IL3RA: variants seen among roughly 807,000 people sequenced by gnomAD.
IL3RA encodes interleukin 3 receptor subunit alpha, also known as interleukin-3 receptor subunit alpha.
A neutral mutation model predicts 52.3 loss-of-function variants in IL3RA; 73 were observed. That is an observed-to-expected ratio of 1.40 (90% CI 1.16 to 1.70). The LOEUF (loss-of-function observed/expected upper bound fraction) is 1.70, where lower values mean the gene tolerates loss of function less well. Ranked by LOEUF, IL3RA falls within the 40% of genes most tolerant of loss-of-function variation. The pLI, the probability that IL3RA is intolerant of heterozygous loss-of-function variation, is 0.00. For missense variants in IL3RA, 664 were observed against 504.4 expected (o/e 1.32, Z -3.03); for synonymous variants, 260 against 194.0 (o/e 1.34, Z -2.83).
At chrX:1,341,966 G>A in intron 2 of IL3RA, 137 bp downstream of exon 2, 2 of 904,162 alleles carry the variant, frequency 2.2e-6, no homozygotes, top group Admixed American at 1.9e-5. Flanking sequence ...GGTCGGGAAT[G>A]ACTCAGACAC....
Position 1,348,500 on chromosome X carries a change from G to C in IL3RA, c.253G>C (p.Val85Leu), listed in dbSNP as rs766828932. Reference protein sequence around the residue: ...LCEVTNYTVRVANPPFSTWIL... With the variant: ...LCEVTNYTVRLANPPFSTWIL... ...TGAAGTGACCAACTACACCGTCCGA[G>C]TGGCCAACCCACCATTCTCCACGTG... The change falls in exon 4 of 12, where the codon GTG becomes CTG. Residue 85 changes from valine (V) to leucine (L), a missense_variant. Coordinates refer to ENST00000331035, the MANE Select transcript of IL3RA (RefSeq NM_002183.4). 14 of 1,613,886 alleles carry C rather than the reference G, an allele frequency of 8.7e-6. No homozygotes were observed. Among genetic ancestry groups the C allele is most frequent in the East Asian group, 4.5e-5 (2 of 44,882 alleles).
chrX:1,380,957 C>G, intron 10 of IL3RA, 66 bp from the exon 11 acceptor site: 3 of 1,332,344 alleles, frequency 2.3e-6, no homozygotes, highest in Non-Finnish European at 3.2e-6. Flanking sequence ...CCTGGACACG[C>G]TGTGTCCCAG....
At chrX:1,368,195 GT>G (rs1219970358) in intron 9 of IL3RA, among the ~76,000 whole-genome samples, 2 of 151,434 alleles carry the variant, frequency 1.3e-5, no homozygotes, top group Non-Finnish European at 2.9e-5. Flanking sequence ...GGAGGCGGAG[GT>G]TGCAGTGAGC....
In IL3RA at chrX:1,364,898, T is replaced by G. The variant is rs769477132; in HGVS notation, c.760-240T>G. 2.6e-5 allele frequency among the ~76,000 whole-genome samples: 4 copies of G among 152,070 alleles called. No individual in the cohort carries two copies. The South Asian group carries it at 8.3e-4, about 32-fold the overall frequency. The stretch of plus-strand genomic sequence containing the variant: ...ATCTCGCCTCACTGCAACCTCCACC[T>G]CTCAGGTTTAAGCTATTCTCCTGCC... On this transcript the variant is annotated intron_variant, in intron 8 of 11. Transcript: ENST00000331035.
At chrX:1,357,005 G>A (rs1359115278) in intron 7 of IL3RA, among the ~76,000 whole-genome samples, 1 of 152,030 alleles carries the variant, frequency 6.6e-6, no homozygotes, top group South Asian at 2.1e-4. Flanking sequence ...AGACTGGAGT[G>A]CAGTGGCTTA....
intron 1 of IL3RA, among the ~76,000 whole-genome samples, chrX:1,341,509 C>T (rs1161017447): frequency 2.0e-5 from 3 of 151,392 alleles, no homozygotes; most frequent in African/African-American, 7.3e-5. Flanking sequence ...TACACACACA[C>T]GAATATTCGT....
intron 1 of IL3RA, among the ~76,000 whole-genome samples, chrX:1,340,364 C>T (rs1288217890): frequency 6.6e-6 from 1 of 152,138 alleles, no homozygotes; most frequent in Non-Finnish European, 1.5e-5. Context: ...AATCTGCCCA[C>T]CTCTGCTTCC....
At chrX:1,362,375 CTCTT>C (rs2087503750) in intron 8 of IL3RA, among the ~76,000 whole-genome samples, 2 of 150,792 alleles carry the variant, frequency 1.3e-5, no homozygotes, top group African/African-American at 4.9e-5. Flanking sequence ...CCTACTCTGT[CTCTT>C]TGTCTCTGTC....
chrX:1,337,129 C>T (rs1211722129), intron 1 of IL3RA, among the ~76,000 whole-genome samples: 12 of 152,164 alleles, frequency 7.9e-5, no homozygotes, highest in African/African-American at 2.4e-4. Flanking sequence ...TCTCATTCAC[C>T]CTTTTGTAAG....
chrX:1,356,852 A>AT (rs1363019703), intron 7 of IL3RA, among the ~76,000 whole-genome samples: 2 of 151,488 alleles, frequency 1.3e-5, no homozygotes, highest in African/African-American at 2.4e-5. Context: ...TGGTTTTTTA[A>AT]TTTTTTCTTG....
chrX:1,348,686 C>CTT lies in IL3RA; in HGVS notation c.298+143_298+144dup, dbSNP rs1378336693. On this transcript the variant is annotated intron_variant, in intron 4 of 11. Coordinates refer to ENST00000331035, the MANE Select transcript of IL3RA (RefSeq NM_002183.4). ...TCTTTCTTTCTTTCTTTCTTTCTTT[C>CTT]TTTCTTTTTCTTTCTTTCTGTTTCT... 3.8e-5 allele frequency: 18 copies of CTT among 469,028 alleles called. No homozygotes were observed. In the East Asian group the frequency reaches 4.1e-4, roughly 11 times the overall value. 29.1% of individuals were successfully genotyped at this position (469,028 alleles called of 1,614,324 possible).
intron 8 of IL3RA, among the ~76,000 whole-genome samples, chrX:1,362,954 T>C (rs2087579167): frequency 6.6e-6 from 1 of 151,946 alleles, no homozygotes; most frequent in Non-Finnish European, 1.5e-5. Flanking sequence ...TTTTGTATTA[T>C]TAGTAAAGAT....
chrX:1,356,372 C>G (rs762799761), intron 7 of IL3RA, 36 bp downstream of exon 7: 5 of 1,348,318 alleles, frequency 3.7e-6, no homozygotes, highest in Non-Finnish European at 5.2e-6. Flanking sequence ...CCCCCACCCC[C>G]GTGGACATCC....
chrX:1,352,819 C>T (rs1429773084), intron 6 of IL3RA, among the ~76,000 whole-genome samples: 5 of 151,976 alleles, frequency 3.3e-5, no homozygotes, highest in African/African-American at 4.8e-5. Flanking sequence ...TAGGATCCCT[C>T]ACCATGGGTC....
At chrX:1,349,382 ATGT>A (rs1345769497) in intron 4 of IL3RA, among the ~76,000 whole-genome samples, 1 of 151,730 alleles carries the variant, frequency 6.6e-6, no homozygotes, top group African/African-American at 2.4e-5. Flanking sequence ...GGGTTTCACC[ATGT>A]TGGTCAGGCT....
intron 7 of IL3RA, 54 bp downstream of exon 7, chrX:1,356,390 T>C: frequency 8.5e-7 from 1 of 1,174,040 alleles, no homozygotes; most frequent in Non-Finnish European, 1.2e-6. Context: ...TCCCTTATTT[T>C]TGGTAAGTCG....
At chrX:1,348,324 G>C in intron 3 of IL3RA, 107 bp from the exon 4 acceptor site, 2 of 859,158 alleles carry the variant, frequency 2.3e-6, no homozygotes, top group South Asian at 1.4e-5. Flanking sequence ...CTGCACTCCA[G>C]CGTGGGCGAC....
At chrX:1,338,126 C>G (rs764133049) in intron 1 of IL3RA, among the ~76,000 whole-genome samples, 1 of 140,294 alleles carries the variant, frequency 7.1e-6, no homozygotes, top group African/African-American at 2.7e-5. Flanking sequence ...ATACCCCCAT[C>G]TATAGATGAA....
rs767661445 is a variant in IL3RA at position 1,348,950 on chromosome X, C to T, written c.298+405C>T. Among the ~76,000 whole-genome samples the T allele has an allele frequency of 2.7e-5, 4 of 148,582 alleles. No homozygotes were observed. The East Asian group carries it at 7.9e-4, about 30-fold the overall frequency. ...TCCCTCCTCTTTTCCTTCCTTCTTCCCTCCTTCCCTTTCTCTCTCTCTCTC... is the reference window on the plus strand; with the variant it reads ...TCCCTCCTCTTTTCCTTCCTTCTTCTCTCCTTCCCTTTCTCTCTCTCTCTC... On this transcript the variant is annotated intron_variant, in intron 4 of 11. Coordinates refer to ENST00000331035, the MANE Select transcript of IL3RA (RefSeq NM_002183.4).
Sources: allele counts gnomAD v4.1 joint callset (sites outside exome capture counted in the v4.1 genomes callset), GRCh38; gene constraint gnomAD v4.1.1; transcripts MANE v1.5; gene names NCBI Gene and HGNC (gene_info 2026-07-23, HGNC 2026-07-21).